MAPK10: variants seen among roughly 807,000 people sequenced by gnomAD.
The protein encoded by MAPK10 is JNK3 alpha protein kinase.
A neutral mutation model predicts 59.3 loss-of-function variants in MAPK10; 25 were observed. That is an observed-to-expected ratio of 0.42 (90% CI 0.31 to 0.59). The LOEUF is 0.59. MAPK10 is among the 20% of genes least tolerant of loss of function. MAPK10 has a pLI of 0.15. For synonymous variants in MAPK10, 190 were observed against 200.5 expected (o/e 0.95, Z 0.44); for missense variants, 351 against 568.9 (o/e 0.62, Z 3.90).
rs146356157 is a variant in MAPK10, at chr4:86,068,938, G to C, written c.803-983C>G. ...TGTGCCAGTGAATAATAGAGATCTTGGAAATTCCCTTAAATCCAATACTGC... is the reference window on the plus strand; with the variant it reads ...TGTGCCAGTGAATAATAGAGATCTTCGAAATTCCCTTAAATCCAATACTGC... On this transcript the variant is annotated intron_variant, in intron 9 of 13. Transcript: ENST00000641462. Among the ~76,000 whole-genome samples, 88 of 152,186 alleles carry C rather than the reference G, an allele frequency of 5.8e-4. 1 individual carries two copies. In the East Asian group the frequency reaches 0.013, roughly 23 times the overall value.
At chr4:86,396,985 T>G (rs1040618457) in intron 1 of MAPK10, among the ~76,000 whole-genome samples, 8 of 152,206 alleles carry the variant, frequency 5.3e-5, no homozygotes, top group Admixed American at 5.2e-4. Flanking sequence ...CTATTTACTT[T>G]TTAATGTGGT....
chr4:86,240,577 T>A (rs751941463), intron 2 of MAPK10, among the ~76,000 whole-genome samples: 1 of 152,182 alleles, frequency 6.6e-6, no homozygotes, highest in Admixed American at 6.5e-5. Flanking sequence ...AACTGTTCCC[T>A]TTATCGTTAT....
At chr4:86,041,920 G>C (rs769677569) in intron 11 of MAPK10, among the ~76,000 whole-genome samples, 38 of 152,188 alleles carry the variant, frequency 2.5e-4, no homozygotes, top group Non-Finnish European at 4.0e-4. Flanking sequence ...ATTCCTCAAA[G>C]ATCTAGAACC....
At chr4:86,113,443 G>A (rs1310182424) in intron 4 of MAPK10, among the ~76,000 whole-genome samples, 2 of 152,172 alleles carry the variant, frequency 1.3e-5, no homozygotes, top group Non-Finnish European at 2.9e-5. Flanking sequence ...TTGCTTGTCT[G>A]AAAAGGATTT....
chr4:86,251,333 T>A (rs1316581059), intron 2 of MAPK10, among the ~76,000 whole-genome samples: 2 of 149,834 alleles, frequency 1.3e-5, no homozygotes, highest in East Asian at 2.0e-4. Flanking sequence ...CCCTCCTCCC[T>A]CCCCACCACA....
At position 86,165,968 on chromosome 4, in the gene MAPK10, C is replaced by A. The variant is rs143309869; in HGVS notation, c.67-6501G>T. ...TGTTTGATAATTTGATAATTATTTT[C>A]AATTATGTTGGAAAGCATATAACAG... On this transcript the variant is annotated intron_variant, in intron 3 of 13. Coordinates refer to ENST00000641462, the MANE Select transcript of MAPK10 (RefSeq NM_138982.4). Among the ~76,000 whole-genome samples, 81 of 152,106 alleles carry A rather than the reference C, an allele frequency of 5.3e-4. No individual in the cohort carries two copies. In the East Asian group the frequency reaches 0.015, roughly 29 times the overall value.
rs916066433 is a variant in MAPK10 at position 86,013,789 on chromosome 4, A to G, written c.*3439T>C. The G allele has an allele frequency of 6.6e-5, 10 of 152,142 alleles. No individual in the cohort carries two copies. Among genetic ancestry groups the G allele is most frequent in the Non-Finnish European group, 1.3e-4 (9 of 68,014 alleles). The allele number at this position is 152,142 out of a possible 1,614,324, so 9.4% of individuals were successfully genotyped here. A position where few individuals can be genotyped will look rare whatever the true frequency, so the allele number is the denominator to read the frequency against. Reference sequence around the variant, plus strand: ...ACCCTCAATTAAATAGCTTACTCCAATTGGTGGGAACTGGCCAGGCTCTGG... The same window carrying G: ...ACCCTCAATTAAATAGCTTACTCCAGTTGGTGGGAACTGGCCAGGCTCTGG... On this transcript the variant is annotated 3_prime_UTR_variant, in exon 14 of 14. Coordinates refer to ENST00000641462, the MANE Select transcript of MAPK10 (RefSeq NM_138982.4).
intron 1 of MAPK10, among the ~76,000 whole-genome samples, chr4:86,551,473 T>C (rs769241131): frequency 2.6e-5 from 4 of 152,216 alleles, no homozygotes; most frequent in Non-Finnish European, 2.9e-5. Context: ...TGATAAAGTA[T>C]ACTCTTCAAA....
At chr4:86,392,561 T>TTTGAG (rs1413213646) in intron 1 of MAPK10, 2 of 152,156 alleles carry the variant, frequency 1.3e-5, no homozygotes, top group Admixed American at 6.5e-5. Context: ...ACTAAGCTAT[T>TTTGAG]TTGAGTTGTA....
Position 86,172,166 on chromosome 4 carries a change from C to T in MAPK10, c.67-12699G>A, listed in dbSNP as rs1301453297. ...TCAGCCATTGTGGAAGTCAGTGTGG[C>T]GATTCCTCAGGGATCTAGAACTAGA... On this transcript the variant is annotated intron_variant, in intron 3 of 13. Transcript: ENST00000641462. 3.6e-5 allele frequency among the ~76,000 whole-genome samples: 5 copies of T among 138,840 alleles called. 1 individual carries two copies. Among genetic ancestry groups the T allele is most frequent in the African/African-American group, 1.3e-4 (4 of 30,610 alleles). 91.1% of individuals were successfully genotyped at this position (138,840 alleles called of 152,430 possible).
At position 86,295,768 on chromosome 4, in the gene MAPK10, T is replaced by TTA. The variant is rs1055712045; in HGVS notation, c.-7+58760_-7+58761dup. 1.0e-3 allele frequency among the ~76,000 whole-genome samples: 145 copies of TTA among 144,084 alleles called. 1 individual carries two copies. The highest frequency in any genetic ancestry group is 3.7e-3 in the Middle Eastern group (1 of 270). 94.5% of individuals were successfully genotyped at this position (144,084 alleles called of 152,430 possible). On this transcript the variant is annotated intron_variant, in intron 2 of 13. Transcript: ENST00000641462. The stretch of plus-strand genomic sequence containing the variant: ...TATATATATTTTATATATATATATT[T>TTA]TATATATATATATATTCTCTATATT...
intron 9 of MAPK10, among the ~76,000 whole-genome samples, chr4:86,085,312 C>A (rs1402562792): frequency 6.6e-6 from 1 of 152,008 alleles, no homozygotes; most frequent in Non-Finnish European, 1.5e-5. Flanking sequence ...AAGAGACAAC[C>A]TACAGAATGA....
chr4:86,429,842 T>G (rs952834741), intron 1 of MAPK10: 1 of 151,766 alleles, frequency 6.6e-6, no homozygotes, highest in African/African-American at 2.4e-5. Context: ...ACACATAACT[T>G]TTTTTTTCAG....
intron 4 of MAPK10, among the ~76,000 whole-genome samples, chr4:86,112,578 A>C (rs2057669495): frequency 6.6e-6 from 1 of 152,096 alleles, no homozygotes; most frequent in African/African-American, 2.4e-5. Flanking sequence ...AGTCTGAAAG[A>C]CTGTTTGTTA....
chr4:86,356,714 A>G (rs1405424507), intron 1 of MAPK10: 1 of 152,216 alleles, frequency 6.6e-6, no homozygotes, highest in East Asian at 1.9e-4. Flanking sequence ...TTTTTAAACA[A>G]TCAATATGCA....
chr4:86,496,951 C>T (rs1210684245), intron 1 of MAPK10, among the ~76,000 whole-genome samples: 1 of 152,158 alleles, frequency 6.6e-6, no homozygotes, highest in African/African-American at 2.4e-5. Flanking sequence ...CTCTCTTTTG[C>T]CACAAAATAT....
chr4:86,374,814 C>T lies in MAPK10; in HGVS notation c.-121-20170G>A, dbSNP rs557704306. On this transcript the variant is annotated intron_variant, in intron 1 of 13. Transcript: ENST00000361569. ...CTGAAATCCCCATTCATATACACAA[C>T]GTAGAAGGAATATTGGTAGTAGTCT... Among the ~76,000 whole-genome samples, 89 of 152,260 alleles carry T rather than the reference C, an allele frequency of 5.8e-4. 4 individuals carry two copies. The South Asian group carries it at 0.017, about 28-fold the overall frequency.
intron 2 of MAPK10, among the ~76,000 whole-genome samples, chr4:86,292,529 C>T (rs1047757882): frequency 1.3e-5 from 2 of 151,958 alleles, no homozygotes; most frequent in African/African-American, 4.8e-5. Flanking sequence ...CAAGCCTGGG[C>T]AACATAGCAA....
At chr4:86,568,515 G>T (rs960819737) in intron 1 of MAPK10, among the ~76,000 whole-genome samples, 2 of 152,104 alleles carry the variant, frequency 1.3e-5, no homozygotes, top group African/African-American at 2.4e-5. Flanking sequence ...AAAGCTGGAG[G>T]TATTACATCA....
Sources: gnomAD v4.1 joint callset for allele counts (sites outside exome capture counted in the v4.1 genomes callset) on GRCh38, gnomAD v4.1.1 for gene constraint, MANE v1.5 for transcripts, NCBI Gene and HGNC (gene_info 2026-07-23, HGNC 2026-07-21) for gene names.